The following TRIO variants were observed in gnomAD, a reference collection of about 807,000 sequenced individuals.
The protein encoded by TRIO is trio Rho guanine nucleotide exchange factor.
In TRIO, 58 loss-of-function variants were observed where a neutral mutation model predicts 351.9. The ratio of observed to expected loss-of-function variants is 0.16; its 90% CI spans 0.13 to 0.21. TRIO has a LOEUF of 0.21. Among genes scored for constraint, TRIO ranks in the 10% least tolerant of loss-of-function variants. The pLI is 1.00. For missense variants in TRIO, 3,201 were observed against 4,027.8 expected, an observed-to-expected ratio of 0.79 and a Z score of 5.56; for synonymous variants, 1,758 against 1,595.7, an observed-to-expected ratio of 1.10 and a Z score of -2.42.
At chr5:14,270,673 C>G (rs1795928400) in intron 1 of TRIO, 152 bp from the exon 2 acceptor site, 1 of 667,032 alleles carries the variant, frequency 1.5e-6, no homozygotes, top group African/African-American at 1.8e-5. Flanking sequence ...TGATCACAGA[C>G]ATGGAATTTA....
At chr5:14,442,457 A>G (rs1362350814) in intron 34 of TRIO, among the ~76,000 whole-genome samples, 1 of 152,054 alleles carries the variant, frequency 6.6e-6, no homozygotes, top group Non-Finnish European at 1.5e-5. Flanking sequence ...GCGCTGCTTA[A>G]CTCTACCCAT....
At chr5:14,276,726 G>T (rs953651630) in intron 2 of TRIO, among the ~76,000 whole-genome samples, 4 of 152,210 alleles carry the variant, frequency 2.6e-5, no homozygotes, top group African/African-American at 9.6e-5. Context: ...CAAAGCAAGC[G>T]TGGCTTTCTT....
At position 14,316,639 on chromosome 5, in the gene TRIO, G is replaced by C. The variant is rs751984960; in HGVS notation, c.1627G>C (p.Glu543Gln). 6.2e-7 allele frequency: 1 copy of C among 1,614,178 alleles called. No homozygotes were observed. The highest frequency in any genetic ancestry group is 8.5e-7 in the Non-Finnish European group (1 of 1,180,042). The change falls in exon 9 of 57, where the codon GAG (glutamate) becomes CAG (glutamine). Residue 543 changes from glutamate to glutamine, a missense_variant. Coordinates refer to ENST00000344204, the MANE Select transcript of TRIO (RefSeq NM_007118.4). ...GCACCATGTCCTGGATGTCATCCAC[G>C]AGGTGCTGCACCACCAGCGGCAGCT... ...AVHHVLDVIH[E>Q]VLHHQRQLEN... is the part of the protein sequence containing the mutation.
chr5:14,166,100 A>G (rs1039357365), intron 1 of TRIO, among the ~76,000 whole-genome samples: 11 of 152,194 alleles, frequency 7.2e-5, no homozygotes, highest in Admixed American at 2.6e-4. Context: ...AGGCAGTTAG[A>G]GATGAGTCTG....
intron 7 of TRIO, among the ~76,000 whole-genome samples, chr5:14,302,576 C>T (rs1307379580): frequency 6.6e-6 from 1 of 152,172 alleles, no homozygotes; most frequent in Non-Finnish European, 1.5e-5. Context: ...GCCGTATGAA[C>T]TGGCTTCAAG....
chr5:14,507,949 G>A lies in TRIO; in HGVS notation c.8821G>A (p.Val2941Ile), dbSNP rs767953889. Residue 2941 changes from valine to isoleucine, a missense_variant, in exon 57 of 57, where the codon GTT (valine) becomes ATT (isoleucine). By Grantham distance (29) the Val-to-Ile change is conservative. Transcript: ENST00000344204. ...CAAACTGGCTGACTTTGGAGATGCT[G>A]TTCAGCTCAACACGACCTACTACAT... ...TIKLADFGDA[V>I]QLNTTYYIHQ... The A allele has an allele frequency of 2.5e-5, 41 of 1,614,094 alleles. No homozygotes were observed. The African/African-American group carries it at 4.4e-4, about 17-fold the overall frequency.
In TRIO at chr5:14,503,104, C is replaced by G. The variant is rs1757412227; in HGVS notation, c.8411+447C>G. Among the ~76,000 whole-genome samples the G allele has an allele frequency of 2.0e-5, 3 of 152,266 alleles. No homozygotes were observed. In the South Asian group the frequency reaches 6.2e-4, roughly 32 times the overall value. ...CCCCATCAAAGGGGTTCTTTCTCTT[C>G]ATGAGGGGCAGCCGAGTCAGGGGTG... On this transcript the variant is annotated intron_variant, in intron 54 of 56. Coordinates refer to ENST00000344204, the MANE Select transcript of TRIO (RefSeq NM_007118.4).
At chr5:14,234,191 T>C (rs1793637895) in intron 1 of TRIO, among the ~76,000 whole-genome samples, 1 of 152,214 alleles carries the variant, frequency 6.6e-6, no homozygotes, top group Admixed American at 6.5e-5. Flanking sequence ...CGATGTTGAC[T>C]ACTTTAGGCC....
At position 14,487,820 on chromosome 5, in the gene TRIO, G is replaced by A; in HGVS notation, c.7192G>A (p.Asp2398Asn). The A allele has an allele frequency of 6.8e-7, 1 of 1,474,552 alleles. No individual in the cohort carries two copies. Among genetic ancestry groups the A allele is most frequent in the Non-Finnish European group, 9.0e-7 (1 of 1,112,126 alleles). 91.3% of individuals were successfully genotyped at this position (1,474,552 alleles called of 1,614,324 possible). A position where few individuals can be genotyped will look rare whatever the true frequency, so the allele number is the denominator to read the frequency against. Residue 2398 changes from aspartate to asparagine, a missense_variant, in exon 48 of 57, where the codon GAC becomes AAC. This residue lies in a region of TRIO where 1,089 missense variants were observed against 954.9 expected (regional missense o/e 1.14). Transcript: ENST00000344204. The part of the protein sequence containing the change: ...SAPSRRPPGA[D>N]AEGSEREAEP... Reference sequence around the variant, plus strand: ...GCCCAGCAGGCGGCCCCCCGGCGCGGACGCCGAGGGGTCCGAGCGAGAAGC... The same window carrying A: ...GCCCAGCAGGCGGCCCCCCGGCGCGAACGCCGAGGGGTCCGAGCGAGAAGC...
intron 1 of TRIO, among the ~76,000 whole-genome samples, chr5:14,246,598 C>T (rs1714773659): frequency 1.3e-5 from 2 of 152,218 alleles, no homozygotes; most frequent in East Asian, 1.9e-4. Flanking sequence ...AAGCCCTCTT[C>T]TTCCCAGCTG....
intron 1 of TRIO, among the ~76,000 whole-genome samples, chr5:14,250,483 A>G (rs942183970): frequency 1.3e-5 from 2 of 152,198 alleles, no homozygotes; most frequent in Non-Finnish European, 2.9e-5. Context: ...GTACAGCGCT[A>G]TGGAGCCTCT....
At position 14,293,488 on chromosome 5, in the gene TRIO, C is replaced by A. The variant is rs1018340572; in HGVS notation, c.1176+354C>A. ...GGCACAGTGAGTCCCCCAGACGGAG[C>A]GCTGTCAGTTTGCTGGCTGCTGTTC... On this transcript the variant is annotated intron_variant, in intron 6 of 56. Transcript: ENST00000344204. Among the ~76,000 whole-genome samples, 8 of 152,326 alleles carry A rather than the reference C, an allele frequency of 5.3e-5. No homozygotes were observed. In the East Asian group the frequency reaches 1.5e-3, roughly 29 times the overall value.
At chr5:14,308,621 TCCAACCAGTCAC>T (rs1287333185) in intron 8 of TRIO, among the ~76,000 whole-genome samples, 11 of 149,478 alleles carry the variant, frequency 7.4e-5, no homozygotes, top group African/African-American at 2.7e-4. Flanking sequence ...CATCCATTCA[TCCAACCAGTCAC>T]CCAACCACCC....
intron 1 of TRIO, among the ~76,000 whole-genome samples, chr5:14,182,682 T>A (rs1789860137): frequency 6.6e-6 from 1 of 152,222 alleles, no homozygotes. Flanking sequence ...ATCTCATGAT[T>A]TGCTTTTCTT....
chr5:14,217,119 C>G (rs557275971), intron 1 of TRIO, among the ~76,000 whole-genome samples: 1 of 152,336 alleles, frequency 6.6e-6, no homozygotes, highest in South Asian at 2.1e-4. Flanking sequence ...GATCACCGGT[C>G]TTTTACATAC....
chr5:14,508,657 G>A lies in TRIO; in HGVS notation c.*235G>A. 1 of 454,364 alleles carries A rather than the reference G, an allele frequency of 2.2e-6. No homozygotes were observed. The highest frequency in any genetic ancestry group is 3.8e-6 in the Non-Finnish European group (1 of 260,002). The allele number at this position is 454,364 out of a possible 1,614,324, so 28.1% of individuals were successfully genotyped here. On this transcript the variant is annotated 3_prime_UTR_variant, in exon 57 of 57. Transcript: ENST00000344204. The stretch of plus-strand genomic sequence containing the variant: ...GCAGAGGTCGCATTGCTGTATCACA[G>A]TATTTTATTCAGGTTTCTGCAAAAA...
At chr5:14,157,930 G>A (rs903241576) in intron 1 of TRIO, among the ~76,000 whole-genome samples, 1 of 152,018 alleles carries the variant, frequency 6.6e-6, no homozygotes, top group African/African-American at 2.4e-5. Context: ...CGGATATTAC[G>A]TCGCTGACTT....
At chr5:14,186,905 C>T (rs572767171) in intron 1 of TRIO, among the ~76,000 whole-genome samples, 1 of 152,320 alleles carries the variant, frequency 6.6e-6, no homozygotes, top group South Asian at 2.1e-4. Context: ...GATTGAGACT[C>T]TTGGGCACAA....
intron 10 of TRIO, among the ~76,000 whole-genome samples, chr5:14,335,051 G>A (rs1004306014): frequency 5.3e-5 from 8 of 152,016 alleles, no homozygotes; most frequent in African/African-American, 1.5e-4. Flanking sequence ...GTACACATGC[G>A]CATTCACATC....
Sources: allele counts gnomAD v4.1 joint callset (sites outside exome capture counted in the v4.1 genomes callset), GRCh38; gene constraint gnomAD v4.1.1; regional missense constraint gnomAD v4.1.1; transcripts MANE v1.5; gene names NCBI Gene and HGNC (gene_info 2026-07-23, HGNC 2026-07-21).